Variants in PARD3 observed in about 807,000 individuals in gnomAD.
The protein encoded by PARD3 is par-3 family cell polarity regulator, also known as partitioning defective 3 homolog.
Under a neutral mutation model 155.4 loss-of-function variants are expected in PARD3, and 75 were observed. The ratio of observed to expected loss-of-function variants is 0.48; its 90% confidence interval spans 0.40 to 0.58. The LOEUF is 0.58. Among genes scored for constraint, PARD3 ranks in the 20% least tolerant of loss-of-function variants. The pLI, the probability that PARD3 is intolerant of heterozygous loss-of-function variation, is 0.00. For missense variants in PARD3, 1,642 were observed against 1,721.7 expected, an observed-to-expected ratio of 0.95 and a Z score of 0.82; for synonymous variants, 576 against 610.5, an observed-to-expected ratio of 0.94 and a Z score of 0.83.
At chr10:34,701,226 G>T (rs940366389) in intron 1 of PARD3, among the ~76,000 whole-genome samples, 1 of 152,066 alleles carries the variant, frequency 6.6e-6, no homozygotes, top group Non-Finnish European at 1.5e-5. Flanking sequence ...GATTCAGAAC[G>T]CTGTGAACAC....
intron 1 of PARD3, among the ~76,000 whole-genome samples, chr10:34,735,295 C>A (rs1023979521): frequency 7.2e-5 from 11 of 152,114 alleles, no homozygotes; most frequent in Non-Finnish European, 1.5e-4. Context: ...TGTAGAGATG[C>A]TATAGCACTA....
intron 22 of PARD3, among the ~76,000 whole-genome samples, chr10:34,268,927 T>TA (rs1335392764): frequency 6.6e-6 from 1 of 151,866 alleles, no homozygotes; most frequent in Non-Finnish European, 1.5e-5. Flanking sequence ...TAAAGTATAA[T>TA]AAAAAATAAA....
chr10:34,762,730 G>A (rs2134028675), intron 1 of PARD3, among the ~76,000 whole-genome samples: 1 of 152,268 alleles, frequency 6.6e-6, no homozygotes, highest in East Asian at 1.9e-4. Flanking sequence ...GACTGTTGCT[G>A]ATGAAGAAAC....
At chr10:34,579,316 T>C (rs1590091184) in intron 2 of PARD3, among the ~76,000 whole-genome samples, 1 of 150,790 alleles carries the variant, frequency 6.6e-6, no homozygotes, top group African/African-American at 2.4e-5. Context: ...TGTAGCAGCA[T>C]CCTTTTCAAT....
At chr10:34,377,770 T>A (rs902725590) in intron 10 of PARD3, among the ~76,000 whole-genome samples, 197 bp downstream of exon 10, 2 of 151,836 alleles carry the variant, frequency 1.3e-5, no homozygotes, top group African/African-American at 4.8e-5. Context: ...CTACAAAAAT[T>A]TTAACAATTA....
intron 14 of PARD3, among the ~76,000 whole-genome samples, chr10:34,355,890 A>C (rs1404403816): frequency 2.2e-5 from 3 of 138,410 alleles, no homozygotes; most frequent in Non-Finnish European, 4.5e-5. Context: ...ACGCCACTGC[A>C]CTCCAGCCTA....
chr10:34,349,531 C>A, intron 14 of PARD3, among the ~76,000 whole-genome samples: 1 of 74,838 alleles, frequency 1.3e-5, no homozygotes, highest in African/African-American at 4.8e-5. Context: ...AATAAAAGAA[C>A]AGTTTCTAAA....
At chr10:34,678,582 A>T (rs2093754951) in intron 2 of PARD3, among the ~76,000 whole-genome samples, 1 of 152,174 alleles carries the variant, frequency 6.6e-6, no homozygotes, top group African/African-American at 2.4e-5. Context: ...GGATCTGCTA[A>T]TATCACAACT....
At chr10:34,369,833 A>G (rs1278902138) in intron 12 of PARD3, among the ~76,000 whole-genome samples, 1 of 152,172 alleles carries the variant, frequency 6.6e-6, no homozygotes, top group African/African-American at 2.4e-5. Context: ...CTAGGCATTG[A>G]CAAAATAGAT....
chr10:34,381,594 T>C (rs1841831114), intron 9 of PARD3, among the ~76,000 whole-genome samples: 1 of 152,022 alleles, frequency 6.6e-6, no homozygotes, highest in Admixed American at 6.5e-5. Context: ...GGAAGATGTA[T>C]GAAGAATCGG....
chr10:34,147,998 G>GT (rs780443568), intron 22 of PARD3, among the ~76,000 whole-genome samples: 13 of 152,172 alleles, frequency 8.5e-5, no homozygotes, highest in African/African-American at 1.4e-4. Context: ...TGCCTTGCCT[G>GT]TATTTTATAC....
intron 20 of PARD3, among the ~76,000 whole-genome samples, chr10:34,286,773 C>A (rs920362861): frequency 6.6e-6 from 1 of 152,152 alleles, no homozygotes; most frequent in Non-Finnish European, 1.5e-5. Context: ...ATTTTAATGA[C>A]CCTGGATGCA....
Position 34,269,883 on chromosome 10 carries a change from G to C in PARD3, c.3193C>G (p.Arg1065Gly), listed in dbSNP as rs1262435673. The change falls in exon 22 of 25, where the codon CGA becomes GGA. Residue 1065 changes from arginine to glycine, a missense_variant. By Grantham distance (125) the Arg-to-Gly change is moderately radical (BLOSUM62 -2). Coordinates refer to ENST00000374788, the MANE Select transcript of PARD3 (RefSeq NM_001184785.2). ...CGAGCTTGTCGTTCCCTAAATTCTC[G>C]AGTTTTGGCTTGAATCCTATGAAAT... ...QEQERIQAKT[R>G]EFRERQARER... 6.2e-7 allele frequency: 1 copy of C among 1,613,544 alleles called. No homozygotes were observed. Among genetic ancestry groups the C allele is most frequent in the East Asian group, 2.2e-5 (1 of 44,796 alleles).
chr10:34,227,364 T>G (rs745947563), intron 22 of PARD3, among the ~76,000 whole-genome samples: 1 of 152,292 alleles, frequency 6.6e-6, no homozygotes, highest in Admixed American at 6.5e-5. Flanking sequence ...GGCTGGGCGC[T>G]GTGGCTCACG....
Position 34,726,561 on chromosome 10 carries a change from C to T in PARD3, c.121-30142G>A, listed in dbSNP as rs185252069. 1.1e-4 allele frequency among the ~76,000 whole-genome samples: 17 copies of T among 152,170 alleles called. No homozygotes were observed. The South Asian group carries it at 2.5e-3, about 22-fold the overall frequency. ...TTGTGCCACTGAACTCCAGCCTGGG[C>T]GACAGAGTGAGACCCTGTCTCAAAA... On this transcript the variant is annotated intron_variant, in intron 1 of 24. Transcript: ENST00000374788.
intron 1 of PARD3, among the ~76,000 whole-genome samples, chr10:34,767,609 T>G (rs951634446): frequency 4.0e-5 from 6 of 151,892 alleles, no homozygotes; most frequent in African/African-American, 1.4e-4. Context: ...TCTGTTTGTT[T>G]GTTTTTTGAG....
intron 2 of PARD3, among the ~76,000 whole-genome samples, chr10:34,644,610 A>C (rs547515835): frequency 4.9e-4 from 75 of 152,350 alleles, no homozygotes; most frequent in Non-Finnish European, 9.7e-4. Flanking sequence ...GAATAAGGAC[A>C]AAAGATGTAC....
chr10:34,391,212 C>A (rs886181493), intron 7 of PARD3, among the ~76,000 whole-genome samples: 1 of 141,648 alleles, frequency 7.1e-6, no homozygotes, highest in South Asian at 2.2e-4. Flanking sequence ...TTTTTTTTTT[C>A]TTCTTTTAAA....
intron 1 of PARD3, among the ~76,000 whole-genome samples, chr10:34,811,232 TC>T (rs1844128747): frequency 6.6e-6 from 1 of 152,184 alleles, no homozygotes; most frequent in African/African-American, 2.4e-5. Flanking sequence ...CCACAGTCCT[TC>T]CTACTGCACG....
Sources: allele counts gnomAD v4.1 joint callset (sites outside exome capture counted in the v4.1 genomes callset), GRCh38; gene constraint gnomAD v4.1.1; transcripts MANE v1.5; gene names NCBI Gene and HGNC (gene_info 2026-07-23, HGNC 2026-07-21).